Variants in MUTYH observed in about 807,000 individuals in gnomAD.
The protein encoded by MUTYH is mutY DNA glycosylase.
A neutral mutation model predicts 72.9 loss-of-function variants in MUTYH; 64 were observed. The observed-to-expected ratio is 0.88, with a 90% CI of 0.72 to 1.08. The LOEUF is 1.08. Ranked by LOEUF, MUTYH falls within the 50% of genes least tolerant of loss-of-function variation. MUTYH has a pLI of 0.00. For missense variants in MUTYH, 633 were observed against 671.0 expected (o/e 0.94, Z 0.63); for synonymous variants, 234 against 263.1 (o/e 0.89, Z 1.07).
chr1:45,339,850 C>T, intron 1 of MUTYH, 49 bp downstream of exon 1: 1 of 1,341,994 alleles, frequency 7.5e-7, no homozygotes, highest in South Asian at 1.2e-5. Context: ...GCTCAGGCAG[C>T]GTCACCTTCT....
rs1190340491 is a variant in MUTYH, at chr1:45,332,535, G to A, written c.606+39C>T. The A allele has an allele frequency of 5.6e-6, 9 of 1,613,882 alleles. 1 individual carries two copies. The highest frequency in any genetic ancestry group is 6.8e-6 in the Non-Finnish European group (8 of 1,179,888). The stretch of plus-strand genomic sequence containing the variant: ...GTTAGCCTGGGCTGGGAGGAAGGAG[G>A]CTGGGCACGCACAAAGTGGGGGTGG... On this transcript the variant is annotated intron_variant, in intron 8 of 15. Coordinates refer to ENST00000456914, the MANE Select transcript of MUTYH (RefSeq NM_001048174.2).
intron 7 of MUTYH, 28 bp downstream of exon 7, chr1:45,332,735 G>A: frequency 6.2e-7 from 1 of 1,614,102 alleles, no homozygotes. Context: ...AAGACTCCTG[G>A]GTTCCTACCC....
At chr1:45,333,362 G>C (rs1489816132) in intron 3 of MUTYH, 38 bp from the exon 4 acceptor site, 1 of 1,614,116 alleles carries the variant, frequency 6.2e-7, no homozygotes, top group Non-Finnish European at 8.5e-7. Flanking sequence ...TAGGGTGGAG[G>C]GGGCTGGGTG....
Position 45,334,379 on chromosome 1 carries a change from C to A in MUTYH, c.115+12G>T, listed in dbSNP as rs2149186267. The A allele has an allele frequency of 6.2e-7, 1 of 1,613,990 alleles. No individual in the cohort carries two copies. The highest frequency in any genetic ancestry group is 1.3e-5 in the African/African-American group (1 of 75,068). On this transcript the variant is annotated intron_variant, in intron 2 of 15. Transcript: ENST00000456914. ...TGGCCAATGAGCCTTGGGCCACAAC[C>A]TAGTTCCTTACCATCACAGGCAGAA... is the stretch of plus-strand genomic sequence containing the variant.
At position 45,332,125 on chromosome 1, in the gene MUTYH, C is replaced by T. The variant is rs778573209; in HGVS notation, c.850-39G>A. 3.1e-6 allele frequency: 5 copies of T among 1,614,096 alleles called. No homozygotes were observed. The East Asian group carries it at 1.1e-4, about 36-fold the overall frequency. On this transcript the variant is annotated intron_variant, in intron 10 of 15. Transcript: ENST00000456914. ...GGTTGAGTGTCATAGGGCAGAGTCA[C>T]TCCTTAGGACTTCTCACTGCCCCTT...
Position 45,339,738 on chromosome 1 carries a change from T to C in MUTYH, c.-7+161A>G, listed in dbSNP as rs1457512468. On this transcript the variant is annotated intron_variant, in intron 1 of 15. Coordinates refer to ENST00000456914, the MANE Select transcript of MUTYH (RefSeq NM_001048174.2). ...GCCTCTTTCACTTTCTGGAGATCAC[T>C]GAGCTCTCCATCCTCTCTGGGAATT... 5.3e-6 allele frequency: 5 copies of C among 950,498 alleles called. No individual in the cohort carries two copies. In the East Asian group the frequency reaches 2.5e-4, roughly 47 times the overall value. The allele number at this position is 950,498 out of a possible 1,614,324, so 58.9% of individuals were successfully genotyped here.
chr1:45,330,600 A>C (rs376562869), intron 14 of MUTYH, 43 bp from the exon 15 acceptor site: 58 of 1,580,202 alleles, frequency 3.7e-5, no homozygotes, highest in Non-Finnish European at 4.8e-5. Context: ...ACTTTTTGCA[A>C]AAGAGATAAA....
At position 45,332,188 on chromosome 1, in the gene MUTYH, C is replaced by T. The variant is rs1553127574; in HGVS notation, c.827G>A (p.Ser276Asn). 3 of 1,614,224 alleles carry T rather than the reference C, an allele frequency of 1.9e-6. No individual in the cohort carries two copies. Among genetic ancestry groups the T allele is most frequent in the Non-Finnish European group, 2.5e-6 (3 of 1,180,028 alleles). ...TACTCTCTGGCGTGCCCGGCACAGG[C>T]TCTCCACAGGGCACTGGCTGCACAG... is the stretch of plus-strand genomic sequence containing the variant. ...RPLCSQCPVE[S>N]LCRARQRVEQ... is the part of the protein sequence containing the mutation. The change falls in exon 10 of 16, where the codon AGC (serine) becomes AAC (asparagine). Residue 276 changes from serine to asparagine, a missense_variant. Coordinates refer to ENST00000456914, the MANE Select transcript of MUTYH (RefSeq NM_001048174.2).
In MUTYH at chr1:45,332,508, G is replaced by A. The variant is rs1306530881; in HGVS notation, c.607-20C>T. 1.2e-6 allele frequency: 2 copies of A among 1,614,120 alleles called. No homozygotes were observed. Among genetic ancestry groups the A allele is most frequent in the Non-Finnish European group, 1.7e-6 (2 of 1,180,022 alleles). On this transcript the variant is annotated intron_variant, in intron 8 of 15. Coordinates refer to ENST00000456914, the MANE Select transcript of MUTYH (RefSeq NM_001048174.2). ...GGTTGCCTGGCACAGAGGGGCCAAAGAGTTAGCCTGGGCTGGGAGGAAGGA... is the reference window on the plus strand; with the variant it reads ...GGTTGCCTGGCACAGAGGGGCCAAAAAGTTAGCCTGGGCTGGGAGGAAGGA...
Position 45,332,799 on chromosome 1 carries a change from A to G in MUTYH, c.456T>C (p.Tyr152=). The G allele has an allele frequency of 1.9e-6, 3 of 1,614,188 alleles. No individual in the cohort carries two copies. The highest frequency in any genetic ancestry group is 2.5e-6 in the Non-Finnish European group (3 of 1,180,014). ...VNQLWAGLGY[Y]SRGRRLQEGA... is the part of the protein sequence containing the mutation. ...CCTCCTGCAGCCGCCGGCCACGAGAATAGTAGCCCAGGCCAGCCCAGAGTT... is the reference window on the plus strand; with the variant it reads ...CCTCCTGCAGCCGCCGGCCACGAGAGTAGTAGCCCAGGCCAGCCCAGAGTT... The change falls in exon 7 of 16, where the codon TAT becomes TAC. Residue 152 remains tyrosine, a synonymous_variant. Coordinates refer to ENST00000456914, the MANE Select transcript of MUTYH (RefSeq NM_001048174.2).
intron 14 of MUTYH, 99 bp downstream of exon 14, chr1:45,331,083 T>A: frequency 6.6e-7 from 1 of 1,515,862 alleles, no homozygotes; most frequent in East Asian, 2.3e-5. Flanking sequence ...ATTCTCCGTC[T>A]CAAAAAAAAA....
chr1:45,332,225 G>A lies in MUTYH; in HGVS notation c.790C>T (p.Pro264Ser), dbSNP rs587781949. The part of the protein sequence containing the change: ...AMELGATVCT[P>S]QRPLCSQCPV... ...CACTGGCTGCACAGTGGGCGCTGTG[G>A]GGTACACACTGTGGCCCCTAGCTCC... Residue 264 changes from proline to serine, a missense_variant, in exon 10 of 16, where the codon CCA (proline) becomes TCA (serine). Physicochemically the swap from Pro to Ser is moderately conservative, Grantham distance 74 (BLOSUM62 -1). Coordinates refer to ENST00000456914, the MANE Select transcript of MUTYH (RefSeq NM_001048174.2). 1 of 1,614,184 alleles carries A rather than the reference G, an allele frequency of 6.2e-7. No homozygotes were observed.
rs2149087894 is a variant in MUTYH at position 45,329,342 on chromosome 1, G to A, written c.1530C>T (p.Ser510=). 2.5e-6 allele frequency: 4 copies of A among 1,614,208 alleles called. No individual in the cohort carries two copies. The highest frequency in any genetic ancestry group is 3.4e-6 in the Non-Finnish European group (4 of 1,180,044). Reference sequence around the variant, plus strand: ...CACTGTTGAGGCTGTGTGCATCAGTGGAGATGTGAGACCGAAAGAAATTAT... The same window carrying A: ...CACTGTTGAGGCTGTGTGCATCAGTAGAGATGTGAGACCGAAAGAAATTAT... ...VLDNFFRSHI[S]TDAHSLNSAA... is the part of the protein sequence containing the mutation. Residue 510 remains serine (S), a synonymous_variant, in exon 16 of 16, where the codon TCC becomes TCT. Transcript: ENST00000456914.
intron 1 of MUTYH, among the ~76,000 whole-genome samples, chr1:45,336,027 A>T (rs554904378): frequency 2.6e-5 from 4 of 152,330 alleles, no homozygotes; most frequent in Non-Finnish European, 1.5e-5. Context: ...CTAACATGTA[A>T]CCACACCTGA....
rs529008617 is a variant in MUTYH at position 45,331,529 on chromosome 1, G to A, written c.1130C>T (p.Pro377Leu). The A allele has an allele frequency of 6.8e-5, 110 of 1,614,020 alleles. No homozygotes were observed. The highest frequency in any genetic ancestry group is 8.8e-5 in the Non-Finnish European group (104 of 1,180,036). The change falls in exon 13 of 16, where the codon CCG becomes CTG. Residue 377 changes from proline (P) to leucine (L), a missense_variant. Coordinates refer to ENST00000456914, the MANE Select transcript of MUTYH (RefSeq NM_001048174.2). ...SGLLAGLWEFPSVTWEPSEQL... is the reference protein window; with the variant it reads ...SGLLAGLWEFLSVTWEPSEQL... ...CTCTGAGGGCTCCCAGGTCACGGAC[G>A]GGAACTCCCACAGTCCTGCCAGCAG...
Position 45,332,842 on chromosome 1 carries a change from T to C in MUTYH, c.421-8A>G, listed in dbSNP as rs1557480273. 6.2e-7 allele frequency: 1 copy of C among 1,614,114 alleles called. No individual in the cohort carries two copies. Among genetic ancestry groups the C allele is most frequent in the Non-Finnish European group, 8.5e-7 (1 of 1,180,000 alleles). On this transcript the variant is annotated splice_polypyrimidine_tract_variant and splice_region_variant and intron_variant, in intron 6 of 15. Transcript: ENST00000456914. ...CCAGAGTTGATTCACCTCCTGTGGGTAGGATCAGAGGTCAAAGAGATCACC... is the reference window on the plus strand; with the variant it reads ...CCAGAGTTGATTCACCTCCTGTGGGCAGGATCAGAGGTCAAAGAGATCACC...
rs876660505 is a variant in MUTYH at position 45,333,307 on chromosome 1, G to T, written c.282C>A (p.Asp94Glu). 2 of 1,614,102 alleles carry T rather than the reference G, an allele frequency of 1.2e-6. No homozygotes were observed. Among genetic ancestry groups the T allele is most frequent in the African/African-American group, 2.7e-5 (2 of 74,932 alleles). The change falls in exon 4 of 16, where the codon GAC (aspartate) becomes GAA (glutamate). Residue 94 changes from aspartate to glutamate, a missense_variant. Transcript: ENST00000456914. ...GACCAGCATATGCCCGCCTGTCCAG[G>T]TCCATCTCATCTTCTGCCTGTCAAT... Reference protein sequence around the residue: ...PWRRRAEDEMDLDRRAYAVWV... With the variant: ...PWRRRAEDEMELDRRAYAVWV...
chr1:45,338,396 C>T (rs1646279812), intron 1 of MUTYH: 1 of 438,066 alleles, frequency 2.3e-6, no homozygotes, highest in East Asian at 4.1e-5. Flanking sequence ...TCTGTTTGGA[C>T]TCTTTTATGC....
At chr1:45,339,479 GC>G (rs1203878274) in intron 1 of MUTYH, among the ~76,000 whole-genome samples, 2 of 149,804 alleles carry the variant, frequency 1.3e-5, no homozygotes, top group African/African-American at 4.9e-5. Context: ...CTCCCAAAGT[GC>G]TGGGATTACA....
Sources: gnomAD v4.1 joint callset for allele counts (sites outside exome capture counted in the v4.1 genomes callset) on GRCh38, gnomAD v4.1.1 for gene constraint, MANE v1.5 for transcripts, NCBI Gene and HGNC (gene_info 2026-07-23, HGNC 2026-07-21) for gene names.